The following TPST1 variants were observed in gnomAD, a reference collection of about 807,000 sequenced individuals.
TPST1 encodes protein-tyrosine sulfotransferase 1.
Under a neutral mutation model 34.8 loss-of-function variants are expected in TPST1, and 20 were observed. The ratio of observed to expected loss-of-function variants is 0.57; its 90% CI spans 0.40 to 0.84. TPST1 has a LOEUF of 0.84. Among genes scored for constraint, TPST1 ranks in the 40% least tolerant of loss-of-function variants. TPST1 has a pLI of 0.00. For synonymous variants in TPST1, 152 were observed against 159.4 expected (o/e 0.95, Z 0.35); for missense variants, 353 against 455.5 (o/e 0.78, Z 2.05).
chr7:66,220,902 G>A (rs544297055), intron 1 of TPST1, among the ~76,000 whole-genome samples: 1 of 152,332 alleles, frequency 6.6e-6, no homozygotes, highest in South Asian at 2.1e-4. Context: ...GGAGGCCAAG[G>A]TGGGTAGATC....
chr7:66,334,057 C>T (rs963213134), intron 3 of TPST1, among the ~76,000 whole-genome samples: 2 of 152,146 alleles, frequency 1.3e-5, no homozygotes, highest in African/African-American at 4.8e-5. Flanking sequence ...AGCCAGTTCA[C>T]CCTGAACCCT....
intron 1 of TPST1, among the ~76,000 whole-genome samples, chr7:66,207,295 C>G (rs1325008301): frequency 3.3e-5 from 5 of 152,108 alleles, no homozygotes; most frequent in Non-Finnish European, 5.9e-5. Flanking sequence ...GCCTTCTCTT[C>G]ATTGCTTATT....
chr7:66,346,206 A>T (rs1305784184), intron 3 of TPST1, among the ~76,000 whole-genome samples: 13 of 148,450 alleles, frequency 8.8e-5, no homozygotes, highest in Admixed American at 8.1e-4. Context: ...TATATATAAT[A>T]TTTCCTTTAT....
intron 1 of TPST1, among the ~76,000 whole-genome samples, chr7:66,233,290 A>G (rs1437212917): frequency 6.6e-6 from 1 of 152,144 alleles, no homozygotes; most frequent in Non-Finnish European, 1.5e-5. Flanking sequence ...ACCCAAGGCC[A>G]TGAAGATTTA....
At chr7:66,201,892 T>C (rs547994058), upstream of TPST1, among the ~76,000 whole-genome samples, 1 of 148,970 alleles carries the variant, frequency 6.7e-6, no homozygotes, top group Non-Finnish European at 1.5e-5. Flanking sequence ...AATCCAAGCA[T>C]ATAGCACATA....
At chr7:66,334,707 A>C (rs904488222) in intron 3 of TPST1, among the ~76,000 whole-genome samples, 1 of 151,906 alleles carries the variant, frequency 6.6e-6, no homozygotes, top group African/African-American at 2.4e-5. Context: ...GAAGAAGTGG[A>C]GAAACCTCCT....
chr7:66,268,828 A>G (rs1223723862), intron 2 of TPST1, among the ~76,000 whole-genome samples: 1 of 152,008 alleles, frequency 6.6e-6, no homozygotes, highest in African/African-American at 2.4e-5. Context: ...AGCTGGGATT[A>G]CAGGCACGCG....
intron 2 of TPST1, among the ~76,000 whole-genome samples, chr7:66,280,576 G>C (rs1353154553): frequency 6.6e-6 from 1 of 152,198 alleles, no homozygotes; most frequent in East Asian, 1.9e-4. Context: ...ATGGAAGATA[G>C]TTGACTTCCA....
At chr7:66,269,270 T>C (rs554368966) in intron 2 of TPST1, among the ~76,000 whole-genome samples, 1 of 152,358 alleles carries the variant, frequency 6.6e-6, no homozygotes, top group African/African-American at 2.4e-5. Flanking sequence ...TATGATTTAA[T>C]GTCAGAACCC....
At chr7:66,207,091 A>G in intron 1 of TPST1, among the ~76,000 whole-genome samples, 1 of 152,188 alleles carries the variant, frequency 6.6e-6, no homozygotes, top group Non-Finnish European at 1.5e-5. Context: ...TGGACGAATC[A>G]GTCAGCTTTT....
At chr7:66,200,024 G>A in the TPST1 span, among the ~76,000 whole-genome samples, 2 of 151,944 alleles carry the variant, frequency 1.3e-5, no homozygotes, top group Non-Finnish European at 2.9e-5. Context: ...GCCACTGCGC[G>A]GGGCCTGTGT....
At chr7:66,225,100 A>G (rs1052887985) in intron 1 of TPST1, among the ~76,000 whole-genome samples, 4 of 150,636 alleles carry the variant, frequency 2.7e-5, no homozygotes, top group Non-Finnish European at 5.9e-5. Context: ...TATTTTTAGT[A>G]GAGACGGGGT....
At chr7:66,315,279 G>A (rs1268709485) in intron 3 of TPST1, among the ~76,000 whole-genome samples, 1 of 151,806 alleles carries the variant, frequency 6.6e-6, no homozygotes. Flanking sequence ...CGGAGGCAAA[G>A]GGAGGGCACA....
chr7:66,340,789 T>C (rs1792221539), intron 3 of TPST1, among the ~76,000 whole-genome samples: 1 of 152,158 alleles, frequency 6.6e-6, no homozygotes, highest in African/African-American at 2.4e-5. Flanking sequence ...ATTAGAAGAA[T>C]TAATATTGTT....
chr7:66,231,679 C>T (rs542469735), intron 1 of TPST1, among the ~76,000 whole-genome samples: 16 of 152,372 alleles, frequency 1.1e-4, no homozygotes, highest in South Asian at 2.1e-4. Context: ...CCAGCTAGCC[C>T]GCAAGCACCA....
At chr7:66,348,881 T>C (rs1464435678) in intron 3 of TPST1, among the ~76,000 whole-genome samples, 2 of 152,202 alleles carry the variant, frequency 1.3e-5, no homozygotes, top group Non-Finnish European at 1.5e-5. Flanking sequence ...TATTTGATAT[T>C]TTACCCAGAC....
intron 2 of TPST1, among the ~76,000 whole-genome samples, chr7:66,262,135 C>T (rs1790501504): frequency 6.6e-6 from 1 of 152,190 alleles, no homozygotes; most frequent in African/African-American, 2.4e-5. Flanking sequence ...AGTCTGTGGT[C>T]AGCAAATGGT....
chr7:66,297,659 C>T (rs111493097), intron 3 of TPST1, among the ~76,000 whole-genome samples: 11 of 152,156 alleles, frequency 7.2e-5, no homozygotes, highest in Non-Finnish European at 1.6e-4. Flanking sequence ...GCAGAACCCA[C>T]AGTAACAGAC....
intron 3 of TPST1, among the ~76,000 whole-genome samples, chr7:66,309,169 G>A (rs547107542): frequency 1.3e-5 from 2 of 152,314 alleles, no homozygotes; most frequent in Admixed American, 6.5e-5. Flanking sequence ...AAAGTGCTGG[G>A]ATTACAGGCA....
Sources: allele counts gnomAD v4.1 joint callset (sites outside exome capture counted in the v4.1 genomes callset), GRCh38; gene constraint gnomAD v4.1.1; transcripts MANE v1.5; gene names NCBI Gene and HGNC (gene_info 2026-07-23, HGNC 2026-07-21).